The following CABP5 variants were observed in gnomAD, a reference collection of about 807,000 sequenced individuals.
The protein encoded by CABP5 is calcium-binding protein 5.
Under a neutral mutation model 21.9 loss-of-function variants are expected in CABP5, and 17 were observed. The ratio of observed to expected loss-of-function variants is 0.78; its 90% CI spans 0.53 to 1.17. The LOEUF (loss-of-function observed/expected upper bound fraction) is 1.17, where lower values mean the gene tolerates loss of function less well. Ranked by LOEUF, CABP5 falls within the 50% of genes most tolerant of loss-of-function variation. The pLI, the probability that CABP5 is intolerant of heterozygous loss-of-function variation, is 0.00. For missense variants in CABP5, 229 were observed against 228.9 expected (o/e 1.00, Z 0.00); for synonymous variants, 85 against 79.4 (o/e 1.07, Z -0.37).
intron 1 of CABP5, among the ~76,000 whole-genome samples, chr19:48,042,231 A>C (rs778022820): frequency 7.2e-5 from 11 of 152,092 alleles, no homozygotes; most frequent in Non-Finnish European, 1.5e-4. Context: ...AATTCTTCAC[A>C]CTAGCCCCCA....
chr19:48,040,543 T>G, intron 3 of CABP5, 62 bp downstream of exon 3: 1 of 1,580,270 alleles, frequency 6.3e-7, no homozygotes, highest in Non-Finnish European at 8.7e-7. Context: ...CTCTACATCC[T>G]TCCCAATTCT....
At chr19:48,033,956 G>A (rs1328332728) in intron 5 of CABP5, among the ~76,000 whole-genome samples, 8 of 152,258 alleles carry the variant, frequency 5.3e-5, no homozygotes, top group Admixed American at 3.3e-4. Context: ...GCGGAAGGGC[G>A]TCCTGAGCAT....
intron 5 of CABP5, among the ~76,000 whole-genome samples, chr19:48,032,984 C>T (rs67973083): frequency 0.3 from 45,125 of 149,682 alleles, 7,722 homozygotes; most frequent in Non-Finnish European, 0.38. Flanking sequence ...ATCTTTGAAC[C>T]AAAGAATGTC....
intron 4 of CABP5, among the ~76,000 whole-genome samples, chr19:48,036,016 G>A (rs1383018640): frequency 1.3e-5 from 2 of 152,136 alleles, no homozygotes; most frequent in African/African-American, 4.8e-5. Context: ...TTAGAGGGCC[G>A]CCATGATCAT....
intron 5 of CABP5, 32 bp from the exon 6 acceptor site, chr19:48,030,614 C>T: frequency 6.2e-7 from 1 of 1,608,902 alleles, no homozygotes; most frequent in South Asian, 1.1e-5. Flanking sequence ...CCCAGTAAGG[C>T]ATCTCGTTGT....
chr19:48,029,798 C>CAGAGAGAGAGAGAGAGAGAGAGAG lies in CABP5; in HGVS notation c.*735_*758dup, dbSNP rs72005770. Among the ~76,000 whole-genome samples the CAGAGAGAGAGAGAGAGAGAGAGAG allele has an allele frequency of 6.2e-3, 750 of 120,168 alleles. 29 individuals are homozygous for CAGAGAGAGAGAGAGAGAGAGAGAG. The highest frequency in any genetic ancestry group is 9.9e-3 in the Non-Finnish European group (572 of 57,924). The allele number at this position is 120,168 out of a possible 152,430, so 78.8% of individuals were successfully genotyped here. Reference sequence around the variant, plus strand: ...GGGAGGGGAGACAGAGACAGACAGACAGAGAGAGAGAGAGAGAGAGAGAGA... The same window carrying CAGAGAGAGAGAGAGAGAGAGAGAG: ...GGGAGGGGAGACAGAGACAGACAGACAGAGAGAGAGAGAGAGAGAGAGAGAGAGAGAGAGAGAGAGAGAGAGAGA... On this transcript the variant is annotated 3_prime_UTR_variant, in exon 6 of 6. Transcript: ENST00000293255.
At chr19:48,043,829 CACCG>C in intron 1 of CABP5, 27 bp downstream of exon 1, 1 of 1,479,112 alleles carries the variant, frequency 6.8e-7, no homozygotes, top group Non-Finnish European at 8.9e-7. Flanking sequence ...TTGCCCCGCC[CACCG>C]CCCTTCCCCC....
chr19:48,031,753 C>T (rs1055736230), intron 5 of CABP5, among the ~76,000 whole-genome samples: 1 of 152,012 alleles, frequency 6.6e-6, no homozygotes, highest in Admixed American at 6.6e-5. Context: ...TGCTGCCCAC[C>T]CGGGTCTTGA....
At chr19:48,039,447 C>T (rs1967452257) in intron 3 of CABP5, 130 bp from the exon 4 acceptor site, 2 of 678,554 alleles carry the variant, frequency 2.9e-6, no homozygotes, top group Non-Finnish European at 5.3e-6. Flanking sequence ...GACTTCCTCC[C>T]TCCAGCAGCT....
rs72005770 is a variant in CABP5, at chr19:48,029,798, CAGAG to C, written c.*755_*758del. On this transcript the variant is annotated 3_prime_UTR_variant, in exon 6 of 6. Transcript: ENST00000293255. ...GGGAGGGGAGACAGAGACAGACAGA[CAGAG>C]AGAGAGAGAGAGAGAGAGAGAGAGA... Among the ~76,000 whole-genome samples, 693 of 120,068 alleles carry C rather than the reference CAGAG, an allele frequency of 5.8e-3. 3 individuals are homozygous for C. The highest frequency in any genetic ancestry group is 0.016 in the Middle Eastern group (4 of 244). 78.8% of individuals were successfully genotyped at this position (120,068 alleles called of 152,430 possible).
intron 4 of CABP5, among the ~76,000 whole-genome samples, chr19:48,037,330 G>A (rs1967423679): frequency 7.5e-6 from 1 of 134,122 alleles, no homozygotes; most frequent in Non-Finnish European, 1.5e-5. Context: ...GTGCAGTGGT[G>A]CGATCTTGGC....
At chr19:48,036,717 A>G (rs1967412267) in intron 4 of CABP5, among the ~76,000 whole-genome samples, 1 of 151,886 alleles carries the variant, frequency 6.6e-6, no homozygotes, top group Non-Finnish European at 1.5e-5. Context: ...CCATCTCTCT[A>G]AAGAGGACAA....
intron 4 of CABP5, among the ~76,000 whole-genome samples, 163 bp from the exon 5 acceptor site, chr19:48,034,525 T>C (rs28444675): frequency 1.5e-5 from 2 of 130,222 alleles, no homozygotes; most frequent in African/African-American, 5.3e-5. Flanking sequence ...GTTCTGTTTT[T>C]TTTTTTCTTT....
intron 3 of CABP5, among the ~76,000 whole-genome samples, chr19:48,039,619 AT>A (rs66988565): frequency 0.35 from 51,847 of 146,732 alleles, 9,204 homozygotes; most frequent in Middle Eastern, 0.38. Context: ...TGAGCATACA[AT>A]TTTTTTTTCA....
At chr19:48,042,514 T>A (rs897176335) in intron 1 of CABP5, among the ~76,000 whole-genome samples, 10 of 152,002 alleles carry the variant, frequency 6.6e-5, no homozygotes, top group African/African-American at 2.4e-4. Flanking sequence ...AGCCTTTCCC[T>A]CAGCTTCTCT....
At chr19:48,032,497 C>T (rs772290386) in intron 5 of CABP5, among the ~76,000 whole-genome samples, 2 of 150,848 alleles carry the variant, frequency 1.3e-5, no homozygotes, top group African/African-American at 2.4e-5. Context: ...CCCTGGCTAA[C>T]TTTTTGTATT....
rs565615410 is a variant in CABP5, at chr19:48,031,003, C to T, written c.497-421G>A. 1.4e-4 allele frequency among the ~76,000 whole-genome samples: 21 copies of T among 152,214 alleles called. No homozygotes were observed. In the South Asian group the frequency reaches 3.5e-3, roughly 26 times the overall value. On this transcript the variant is annotated intron_variant, in intron 5 of 5. Coordinates refer to ENST00000293255, the MANE Select transcript of CABP5 (RefSeq NM_019855.5). ...AAATTAAATAGGTAAATAAAATTTGCTCAGAACCGTGCCTGCCATCACAGT... is the reference window on the plus strand; with the variant it reads ...AAATTAAATAGGTAAATAAAATTTGTTCAGAACCGTGCCTGCCATCACAGT...
In CABP5 at chr19:48,030,226, ACT is replaced by A. The variant is rs1967321767; in HGVS notation, c.*329_*330del. On this transcript the variant is annotated 3_prime_UTR_variant, in exon 6 of 6. Transcript: ENST00000293255. ...CACCCAAGGGGAAGCTGGGGAAGAG[ACT>A]CTGGCAGGTCACAGGGACTTAGGAC... The A allele has an allele frequency of 1.7e-5, 5 of 293,542 alleles. No individual in the cohort carries two copies. The highest frequency in any genetic ancestry group is 1.4e-4 in the South Asian group (1 of 6,996). The allele number at this position is 293,542 out of a possible 1,614,324, so 18.2% of individuals were successfully genotyped here. A position where few individuals can be genotyped will look rare whatever the true frequency, so the allele number is the denominator to read the frequency against.
intron 4 of CABP5, among the ~76,000 whole-genome samples, chr19:48,036,253 G>C (rs1042470162): frequency 1.3e-5 from 2 of 152,214 alleles, no homozygotes; most frequent in African/African-American, 4.8e-5. Flanking sequence ...ACCGTTCTTG[G>C]GACTGAGCAC....
Sources: allele counts gnomAD v4.1 joint callset (sites outside exome capture counted in the v4.1 genomes callset), GRCh38; gene constraint gnomAD v4.1.1; transcripts MANE v1.5; gene names NCBI Gene and HGNC (gene_info 2026-07-23, HGNC 2026-07-21).